Variants in ADAMTS3 observed in about 807,000 individuals in gnomAD.
ADAMTS3 encodes the protein A disintegrin and metalloproteinase with thrombospondin motifs 3.
ADAMTS3 carries 73 observed loss-of-function variants against 129.0 expected under a neutral mutation model. The observed-to-expected ratio is 0.57, with a 90% CI of 0.47 to 0.69. The LOEUF (loss-of-function observed/expected upper bound fraction) is 0.69. ADAMTS3 is among the 30% of genes least tolerant of loss of function. The pLI, the probability that ADAMTS3 is intolerant of heterozygous loss-of-function variation, is 0.00. For missense variants in ADAMTS3, 1,457 were observed against 1,514.5 expected (o/e 0.96, Z 0.63); for synonymous variants, 477 against 510.8 (o/e 0.93, Z 0.89).
At chr4:72,514,015 T>A (rs1368216575) in intron 3 of ADAMTS3, among the ~76,000 whole-genome samples, 25 of 152,204 alleles carry the variant, frequency 1.6e-4, no homozygotes, top group Admixed American at 1.6e-3. Flanking sequence ...CCTTGACTTC[T>A]AAGATGAGAG....
At chr4:72,392,915 A>ATTTTTTTT (rs36046621) in intron 4 of ADAMTS3, among the ~76,000 whole-genome samples, 15 of 139,852 alleles carry the variant, frequency 1.1e-4, no homozygotes, top group Non-Finnish European at 1.2e-4. Flanking sequence ...TACCCATCGG[A>ATTTTTTTT]TTTTTTTTTT....
chr4:72,315,929 G>C lies in ADAMTS3; in HGVS notation c.1528C>G (p.Pro510Ala), dbSNP rs374977549. ...GTCTTACAAAAGTAGGGATTATCAG[G>C]ATGGCTACACCACAGCTGTTTACAT... ...DPCKQLWCSH[P>A]DNPYFCKTKK... is the part of the protein sequence containing the mutation. Residue 510 changes from proline (P) to alanine (A), a missense_variant, in exon 11 of 22, where the codon CCT becomes GCT. Physicochemically the swap from Pro to Ala is conservative, Grantham distance 27. Coordinates refer to ENST00000286657, the MANE Select transcript of ADAMTS3 (RefSeq NM_014243.3). 6.8e-6 allele frequency: 11 copies of C among 1,613,542 alleles called. No individual in the cohort carries two copies. The highest frequency in any genetic ancestry group is 9.3e-6 in the Non-Finnish European group (11 of 1,179,650).
At chr4:72,381,158 C>T (rs143593607) in intron 4 of ADAMTS3, among the ~76,000 whole-genome samples, 1,979 of 151,836 alleles carry the variant, frequency 0.013, 31 homozygotes, top group Non-Finnish European at 0.016. Flanking sequence ...GCTGTGTAGA[C>T]TGGGGTGTTA....
intron 3 of ADAMTS3, among the ~76,000 whole-genome samples, chr4:72,491,520 T>C (rs916617961): frequency 6.6e-6 from 1 of 151,862 alleles, no homozygotes; most frequent in Admixed American, 6.6e-5. Flanking sequence ...GGTATTGAAC[T>C]TTGTCAATTG....
chr4:72,537,954 A>G (rs72853094), intron 3 of ADAMTS3, among the ~76,000 whole-genome samples: 1,841 of 152,316 alleles, frequency 0.012, 33 homozygotes, highest in African/African-American at 0.042. Flanking sequence ...AATTCTAAAA[A>G]GAAACCAAAA....
At chr4:72,316,987 C>T (rs1321398609) in intron 10 of ADAMTS3, among the ~76,000 whole-genome samples, 2 of 152,080 alleles carry the variant, frequency 1.3e-5, no homozygotes, top group African/African-American at 2.4e-5. Flanking sequence ...TTTCTGAACA[C>T]ACCACATTAT....
chr4:72,452,546 T>G (rs1267841550), intron 3 of ADAMTS3, among the ~76,000 whole-genome samples: 1 of 151,718 alleles, frequency 6.6e-6, no homozygotes, highest in Non-Finnish European at 1.5e-5. Context: ...CATGAATCTA[T>G]CAGCAAGGTC....
At position 72,520,574 on chromosome 4, in the gene ADAMTS3, G is replaced by A. The variant is rs551026707; in HGVS notation, c.504+27904C>T. 1.6e-4 allele frequency among the ~76,000 whole-genome samples: 25 copies of A among 152,282 alleles called. No homozygotes were observed. The East Asian group carries it at 1.7e-3, about 11-fold the overall frequency. Reference sequence around the variant, plus strand: ...GCGCCCCTCCCCCAGCCTCGCTGCCGCCTTGCAGTTTGATCTCAGACTGCC... The same window carrying A: ...GCGCCCCTCCCCCAGCCTCGCTGCCACCTTGCAGTTTGATCTCAGACTGCC... On this transcript the variant is annotated intron_variant, in intron 3 of 21. Transcript: ENST00000286657.
intron 3 of ADAMTS3, 48 bp from the exon 4 acceptor site, chr4:72,415,019 T>C (rs1338448949): frequency 1.6e-5 from 20 of 1,273,866 alleles, no homozygotes; most frequent in Non-Finnish European, 2.1e-5. Flanking sequence ...ATATCTATCA[T>C]CTTCAGCTCA....
chr4:72,457,835 C>T (rs1718665051), intron 3 of ADAMTS3, among the ~76,000 whole-genome samples: 1 of 148,216 alleles, frequency 6.7e-6, no homozygotes. Flanking sequence ...ACCCTTCTTT[C>T]ATACTCTCTT....
chr4:72,363,672 A>T (rs1720787245), intron 4 of ADAMTS3, among the ~76,000 whole-genome samples: 1 of 152,192 alleles, frequency 6.6e-6, no homozygotes, highest in Non-Finnish European at 1.5e-5. Context: ...TAATAAACGG[A>T]TACCTGTAAA....
chr4:72,501,416 C>A (rs967031065), intron 3 of ADAMTS3, among the ~76,000 whole-genome samples: 12 of 152,018 alleles, frequency 7.9e-5, no homozygotes, highest in Non-Finnish European at 1.3e-4. Context: ...TGGCTCGCAG[C>A]TTAAACATTA....
chr4:72,349,786 C>A (rs191730045), intron 4 of ADAMTS3, among the ~76,000 whole-genome samples: 7 of 152,016 alleles, frequency 4.6e-5, no homozygotes, highest in Admixed American at 4.6e-4. Context: ...TAAAATTTTA[C>A]TGAAGAAGAG....
intron 3 of ADAMTS3, among the ~76,000 whole-genome samples, chr4:72,457,198 A>C (rs1008053610): frequency 2.0e-5 from 3 of 151,722 alleles, no homozygotes; most frequent in African/African-American, 7.2e-5. Context: ...AAATTTTATC[A>C]GGTTCCGTTT....
chr4:72,293,273 A>G (rs1718723142), intron 19 of ADAMTS3, among the ~76,000 whole-genome samples: 1 of 152,160 alleles, frequency 6.6e-6, no homozygotes, highest in South Asian at 2.1e-4. Context: ...CAGGATAACT[A>G]ATGAAAAGTC....
At chr4:72,487,608 A>G (rs1471560930) in intron 3 of ADAMTS3, among the ~76,000 whole-genome samples, 1 of 152,132 alleles carries the variant, frequency 6.6e-6, no homozygotes, top group Non-Finnish European at 1.5e-5. Flanking sequence ...TATATCGGTT[A>G]GTGACAAAAA....
chr4:72,369,432 C>T (rs755674428), intron 4 of ADAMTS3, among the ~76,000 whole-genome samples: 4 of 151,982 alleles, frequency 2.6e-5, no homozygotes, highest in Non-Finnish European at 5.9e-5. Context: ...AAAATGTGAC[C>T]GGGCGCGGTG....
intron 10 of ADAMTS3, among the ~76,000 whole-genome samples, chr4:72,318,315 G>C (rs567460071): frequency 1.3e-5 from 2 of 152,300 alleles, no homozygotes; most frequent in South Asian, 2.1e-4. Context: ...TGTGCCTTAA[G>C]CAAGTTGCTT....
chr4:72,556,138 G>A lies in ADAMTS3; in HGVS notation c.98-7254C>T, dbSNP rs909707649. 6.0e-5 allele frequency among the ~76,000 whole-genome samples: 9 copies of A among 150,086 alleles called. 1 individual carries two copies. The highest frequency in any genetic ancestry group is 5.3e-4 in the Admixed American group (8 of 15,094). On this transcript the variant is annotated intron_variant, in intron 2 of 21. Transcript: ENST00000286657. ...AGTGTATATTACAGGAAGGAAGGAA[G>A]GAAGGAGAGGGAGGGAAGTCTAACC...
Sources: gnomAD v4.1 joint callset for allele counts (sites outside exome capture counted in the v4.1 genomes callset) on GRCh38, gnomAD v4.1.1 for gene constraint, MANE v1.5 for transcripts, NCBI Gene and HGNC (gene_info 2026-07-23, HGNC 2026-07-21) for gene names.